ESRRG: variants seen among roughly 807,000 people sequenced by gnomAD.
ESRRG encodes the protein estrogen-related receptor gamma.
In ESRRG, 13 loss-of-function variants were observed where a neutral mutation model predicts 44.0. The ratio of observed to expected loss-of-function variants is 0.30; its 90% confidence interval spans 0.19 to 0.47. The LOEUF is 0.47. ESRRG is among the 20% of genes least tolerant of loss of function. The probability of loss-of-function intolerance (pLI) is 1.00; values close to 1 mark genes in which losing one functional copy is unlikely to be tolerated. For missense variants in ESRRG, 395 were observed against 580.6 expected, an observed-to-expected ratio of 0.68 and a Z score of 3.29; for synonymous variants, 215 against 214.6, an observed-to-expected ratio of 1.00 and a Z score of -0.02.
At chr1:217,053,319 G>A (rs572390931) in intron 1 of ESRRG, among the ~76,000 whole-genome samples, 1 of 151,986 alleles carries the variant, frequency 6.6e-6, no homozygotes, top group East Asian at 1.9e-4. Context: ...GCCAGGCATA[G>A]TAGTAGGTGC....
At chr1:216,979,365 G>A (rs1456103308) in intron 1 of ESRRG, among the ~76,000 whole-genome samples, 3 of 152,056 alleles carry the variant, frequency 2.0e-5, no homozygotes, top group African/African-American at 4.8e-5. Context: ...CCACAATACC[G>A]TATGCATTTA....
chr1:216,808,499 T>C (rs2148425671), intron 2 of ESRRG, among the ~76,000 whole-genome samples: 1 of 152,276 alleles, frequency 6.6e-6, no homozygotes, highest in Middle Eastern at 3.4e-3. Flanking sequence ...TGCTCATGTC[T>C]CACAGCAGTC....
intron 1 of ESRRG, among the ~76,000 whole-genome samples, chr1:217,022,209 T>C (rs2080434645): frequency 6.6e-6 from 1 of 152,210 alleles, no homozygotes; most frequent in Non-Finnish European, 1.5e-5. Flanking sequence ...ATTGTGATTA[T>C]TTGAACTGTG....
chr1:216,983,956 A>C (rs2074433529), intron 1 of ESRRG, among the ~76,000 whole-genome samples: 1 of 150,834 alleles, frequency 6.6e-6, no homozygotes, highest in African/African-American at 2.4e-5. Context: ...TCCTTCTCAG[A>C]GACACAACCT....
In ESRRG at chr1:216,756,446, G is replaced by A. The variant is rs559245098; in HGVS notation, c.-13-78955C>T. On this transcript the variant is annotated intron_variant, in intron 2 of 7. Transcript: ENST00000359162. Reference sequence around the variant, plus strand: ...TCCTACTCATTTTTCTCTGCATATCGCCACAACTTGGACACAACAGGAGCT... The same window carrying A: ...TCCTACTCATTTTTCTCTGCATATCACCACAACTTGGACACAACAGGAGCT... Among the ~76,000 whole-genome samples, 167 of 151,896 alleles carry A rather than the reference G, an allele frequency of 1.1e-3. 1 individual carries two copies. Among genetic ancestry groups the A allele is most frequent in the African/African-American group, 3.9e-3 (161 of 41,478 alleles).
chr1:216,736,462 C>T (rs1350786902), intron 2 of ESRRG, among the ~76,000 whole-genome samples: 3 of 152,036 alleles, frequency 2.0e-5, no homozygotes, highest in Non-Finnish European at 4.4e-5. Flanking sequence ...GGATTACAGG[C>T]GTGAGCCACC....
chr1:216,892,719 T>C (rs1577767167), intron 2 of ESRRG, among the ~76,000 whole-genome samples: 1 of 152,138 alleles, frequency 6.6e-6, no homozygotes, highest in Admixed American at 6.6e-5. Flanking sequence ...AGCTGATCTA[T>C]GGCAATGAAC....
intron 3 of ESRRG, among the ~76,000 whole-genome samples, chr1:216,647,437 C>G (rs972307375): frequency 2.0e-5 from 3 of 152,102 alleles, no homozygotes; most frequent in Non-Finnish European, 4.4e-5. Context: ...TGTAGTGTAG[C>G]ATTTTGTTGC....
At chr1:217,097,220 C>T (rs1351187938) in intron 1 of ESRRG, among the ~76,000 whole-genome samples, 2 of 152,034 alleles carry the variant, frequency 1.3e-5, no homozygotes, top group Admixed American at 1.3e-4. Context: ...TATCCCTTCT[C>T]CTTCAACCCA....
At chr1:216,855,076 T>A (rs1442822652) in intron 2 of ESRRG, 1 of 152,108 alleles carries the variant, frequency 6.6e-6, no homozygotes, top group African/African-American at 2.4e-5. Context: ...GCTCTAGGGG[T>A]CAATGTCAGG....
intron 4 of ESRRG, among the ~76,000 whole-genome samples, chr1:216,564,892 C>A (rs1001586756): frequency 2.6e-5 from 4 of 152,030 alleles, no homozygotes; most frequent in African/African-American, 9.7e-5. Flanking sequence ...AGGTCAGAGC[C>A]CTTCTGCCTT....
intron 3 of ESRRG, among the ~76,000 whole-genome samples, chr1:216,611,024 G>GA (rs1346899199): frequency 6.6e-6 from 1 of 151,924 alleles, no homozygotes; most frequent in Non-Finnish European, 1.5e-5. Context: ...CCAACATGAT[G>GA]AAACTCCGTC....
intron 3 of ESRRG, among the ~76,000 whole-genome samples, chr1:216,589,947 T>A (rs1250997487): frequency 7.4e-6 from 1 of 136,016 alleles, no homozygotes; most frequent in Non-Finnish European, 1.6e-5. Context: ...TCATAGAAAT[T>A]TAGCCCACAA....
chr1:216,725,006 T>C (rs1242347338), upstream of ESRRG, among the ~76,000 whole-genome samples: 1 of 152,158 alleles, frequency 6.6e-6, no homozygotes, highest in African/African-American at 2.4e-5. Flanking sequence ...ATTCATCGTA[T>C]GTTAAATTCA....
intron 1 of ESRRG, among the ~76,000 whole-genome samples, chr1:217,022,052 G>A (rs2080407012): frequency 6.6e-6 from 1 of 152,204 alleles, no homozygotes. Flanking sequence ...ATATTATGGT[G>A]TGCTCGGTCT....
intron 2 of ESRRG, among the ~76,000 whole-genome samples, chr1:216,837,299 T>A (rs2148825212): frequency 6.6e-6 from 1 of 151,788 alleles, no homozygotes; most frequent in African/African-American, 2.4e-5. Flanking sequence ...TAGTCCCAGC[T>A]ACTCGGGAGG....
chr1:216,615,413 A>G (rs1320222260), intron 3 of ESRRG, among the ~76,000 whole-genome samples: 1 of 152,156 alleles, frequency 6.6e-6, no homozygotes, highest in Non-Finnish European at 1.5e-5. Flanking sequence ...ACCCTGGTCT[A>G]TTTCCTTAAC....
chr1:216,934,295 G>A (rs539577627), intron 2 of ESRRG, among the ~76,000 whole-genome samples: 12 of 152,190 alleles, frequency 7.9e-5, no homozygotes, highest in Non-Finnish European at 1.8e-4. Context: ...TTAGCCGGAC[G>A]TGGTGGCAGG....
intron 1 of ESRRG, among the ~76,000 whole-genome samples, chr1:216,988,416 C>A (rs1161585221): frequency 2.0e-5 from 3 of 152,128 alleles, no homozygotes; most frequent in African/African-American, 7.2e-5. Context: ...AATTTTCAAC[C>A]CTCAATGTAT....
Sources: gnomAD v4.1 joint callset for allele counts (sites outside exome capture counted in the v4.1 genomes callset) on GRCh38, gnomAD v4.1.1 for gene constraint, MANE v1.5 for transcripts, NCBI Gene and HGNC (gene_info 2026-07-23, HGNC 2026-07-21) for gene names.